Variants in ARMC9 observed in about 807,000 individuals in gnomAD.
ARMC9 encodes the protein lisH domain-containing protein ARMC9.
A neutral mutation model predicts 107.0 loss-of-function variants in ARMC9; 94 were observed. The observed-to-expected ratio is 0.88, with a 90% CI of 0.74 to 1.04. The LOEUF (loss-of-function observed/expected upper bound fraction) is 1.04, where lower values mean the gene tolerates loss of function less well. Among genes scored for constraint, ARMC9 ranks in the 50% least tolerant of loss-of-function variants. ARMC9 has a pLI of 0.00. For missense variants in ARMC9, 942 were observed against 1,030.1 expected (o/e 0.91, Z 1.17); for synonymous variants, 380 against 396.9 (o/e 0.96, Z 0.51).
At chr2:231,273,247 C>T (rs2039492651) in intron 14 of ARMC9, among the ~76,000 whole-genome samples, 169 bp downstream of exon 14, 4 of 152,178 alleles carry the variant, frequency 2.6e-5, no homozygotes, top group South Asian at 2.1e-4. Context: ...AACTATCCTG[C>T]GCAAGGCTGC....
intron 23 of ARMC9, among the ~76,000 whole-genome samples, chr2:231,368,325 A>G (rs748708379): frequency 8.5e-5 from 13 of 152,212 alleles, no homozygotes; most frequent in Non-Finnish European, 1.9e-4. Flanking sequence ...CAGGAAATGC[A>G]TCCTGATCTC....
rs796392470 is a variant in ARMC9 at position 231,346,785 on chromosome 2, T to G, written c.1994+1695T>G. ...AAGGTTCTTTACATCTGAGTGGTTT[T>G]GGGTCATTTGGTTTTCATCCAGGAA... On this transcript the variant is annotated intron_variant, in intron 21 of 24. Coordinates refer to ENST00000611582, the MANE Select transcript of ARMC9 (RefSeq NM_001352754.2). 7.9e-5 allele frequency among the ~76,000 whole-genome samples: 12 copies of G among 152,310 alleles called. 1 individual carries two copies. The highest frequency in any genetic ancestry group is 2.9e-4 in the African/African-American group (12 of 41,584).
At chr2:231,295,785 G>A (rs1200776370) in intron 18 of ARMC9, 1 of 153,596 alleles carries the variant, frequency 6.5e-6, no homozygotes, top group Non-Finnish European at 1.4e-5. Flanking sequence ...GTGAGACCAA[G>A]AAGTCTCTCT....
At chr2:231,225,927 G>A (rs547435153) in intron 6 of ARMC9, among the ~76,000 whole-genome samples, 1 of 152,310 alleles carries the variant, frequency 6.6e-6, no homozygotes, top group South Asian at 2.1e-4. Context: ...CGTGATCTTG[G>A]CTCACTGCAA....
intron 1 of ARMC9, among the ~76,000 whole-genome samples, chr2:231,202,471 C>T (rs745334432): frequency 3.8e-4 from 58 of 151,452 alleles, no homozygotes; most frequent in Non-Finnish European, 4.0e-4. Context: ...TACAGGCACA[C>T]ACCACCACAC....
rs1559517136 is a variant in ARMC9 at position 231,374,744 on chromosome 2, T to G, written c.*3209T>G. ...ATCCCAGCCCCAGTTTTAATAAAACTGTATTTACAAAATAGGCAGCTGGGA... is the reference window on the plus strand; with the variant it reads ...ATCCCAGCCCCAGTTTTAATAAAACGGTATTTACAAAATAGGCAGCTGGGA... On this transcript the variant is annotated 3_prime_UTR_variant, in exon 25 of 25. Transcript: ENST00000611582. The G allele has an allele frequency of 6.6e-6, 1 of 152,194 alleles. No individual in the cohort carries two copies. The highest frequency in any genetic ancestry group is 2.4e-5 in the African/African-American group (1 of 41,452). The allele number at this position is 152,194 out of a possible 1,614,324, so 9.4% of individuals were successfully genotyped here.
intron 18 of ARMC9, among the ~76,000 whole-genome samples, chr2:231,292,601 G>A (rs2041091002): frequency 6.6e-6 from 1 of 152,176 alleles, no homozygotes; most frequent in African/African-American, 2.4e-5. Context: ...GAGGTGGTAG[G>A]GAAAGCTCTT....
chr2:231,235,496 C>T (rs554155323), intron 8 of ARMC9, 115 bp downstream of exon 8: 9 of 1,255,076 alleles, frequency 7.2e-6, no homozygotes, highest in African/African-American at 6.0e-5. Flanking sequence ...AAGCCAGTGG[C>T]GCCTGCTGCT....
At chr2:231,354,297 G>C (rs16827999) in intron 21 of ARMC9, among the ~76,000 whole-genome samples, 11,201 of 140,056 alleles carry the variant, frequency 0.08, 1,864 homozygotes, top group African/African-American at 0.31. Context: ...GACTGATTGC[G>C]CACCTCGGGA....
chr2:231,338,238 T>TA (rs200782699), intron 20 of ARMC9, among the ~76,000 whole-genome samples: 2 of 150,998 alleles, frequency 1.3e-5, no homozygotes, highest in African/African-American at 2.4e-5. Flanking sequence ...TTTTTTTTTT[T>TA]AAAACAGTCT....
At chr2:231,284,065 T>C (rs1289229177) in intron 17 of ARMC9, among the ~76,000 whole-genome samples, 3 of 152,224 alleles carry the variant, frequency 2.0e-5, no homozygotes, top group Non-Finnish European at 4.4e-5. Flanking sequence ...AACAACATTT[T>C]GGTCAACAAA....
chr2:231,262,434 C>T (rs2038455741), intron 12 of ARMC9, 36 bp downstream of exon 12: 1 of 1,559,818 alleles, frequency 6.4e-7, no homozygotes, highest in East Asian at 2.2e-5. Flanking sequence ...CAGCCAGGGC[C>T]TTCAATTCTA....
intron 19 of ARMC9, among the ~76,000 whole-genome samples, chr2:231,325,870 CAGA>C (rs1439602709): frequency 1.3e-5 from 2 of 152,160 alleles, no homozygotes; most frequent in Non-Finnish European, 2.9e-5. Context: ...GGTGCAGCAG[CAGA>C]AGAAGGTGGC....
chr2:231,251,923 G>T (rs950031137), intron 9 of ARMC9, among the ~76,000 whole-genome samples: 5 of 152,118 alleles, frequency 3.3e-5, no homozygotes, highest in African/African-American at 1.2e-4. Context: ...GAGTCTCACT[G>T]TGTTGCCTGG....
intron 19 of ARMC9, among the ~76,000 whole-genome samples, chr2:231,319,428 G>A (rs2042880588): frequency 6.6e-6 from 1 of 152,146 alleles, no homozygotes; most frequent in Non-Finnish European, 1.5e-5. Flanking sequence ...ACGAACCTGA[G>A]CAATGCTCAG....
intron 22 of ARMC9, among the ~76,000 whole-genome samples, chr2:231,359,084 T>TC (rs1238245239): frequency 6.5e-5 from 9 of 138,800 alleles, no homozygotes; most frequent in African/African-American, 1.8e-4. Flanking sequence ...GGTCTCCTGT[T>TC]TTTTTTTTTT....
Position 231,370,088 on chromosome 2 carries a change from C to A in ARMC9, c.2397C>A (p.Arg799=), listed in dbSNP as rs370797284. 3.3e-6 allele frequency: 5 copies of A among 1,534,624 alleles called. No individual in the cohort carries two copies. The highest frequency in any genetic ancestry group is 2.6e-6 in the Non-Finnish European group (3 of 1,145,928). ...CGTGTGGCCCCCAGCAGGCCAGCCG[C>A]CCCGGCTCCACAGCGTCCTCCACAA... is the stretch of plus-strand genomic sequence containing the variant. ...FSSCGPQQAS[R]PGSTASSTRG... is the part of the protein sequence containing the mutation. Residue 799 remains arginine (R), a synonymous_variant, in exon 24 of 25, where the codon CGC becomes CGA. Coordinates refer to ENST00000611582, the MANE Select transcript of ARMC9 (RefSeq NM_001352754.2).
At chr2:231,254,828 TCTTG>T (rs2037617721) in intron 9 of ARMC9, among the ~76,000 whole-genome samples, 2 of 152,152 alleles carry the variant, frequency 1.3e-5, no homozygotes, top group African/African-American at 2.4e-5. Flanking sequence ...ATTTCACTAA[TCTTG>T]CTTGCTTTCT....
chr2:231,216,842 G>A (rs1159528163), intron 5 of ARMC9, 49 bp downstream of exon 5: 1 of 1,565,138 alleles, frequency 6.4e-7, no homozygotes, highest in Non-Finnish European at 8.7e-7. Flanking sequence ...TGACATTGTG[G>A]TTTTACCTTC....
Sources: allele counts gnomAD v4.1 joint callset (sites outside exome capture counted in the v4.1 genomes callset), GRCh38; gene constraint gnomAD v4.1.1; transcripts MANE v1.5; gene names NCBI Gene and HGNC (gene_info 2026-07-23, HGNC 2026-07-21).